Variants in BBS9 observed in about 807,000 individuals in gnomAD.
The protein encoded by BBS9 is Bardet-Biedl syndrome 9, also known as protein PTHB1.
A neutral mutation model predicts 117.7 loss-of-function variants in BBS9; 89 were observed. That is an observed-to-expected ratio of 0.76 (90% CI 0.64 to 0.90). BBS9 has a LOEUF of 0.90. Ranked by LOEUF, BBS9 falls within the 40% of genes least tolerant of loss-of-function variation. The pLI is 0.00. For missense variants in BBS9, 982 were observed against 1,042.2 expected, an observed-to-expected ratio of 0.94 and a Z score of 0.80; for synonymous variants, 379 against 370.9, an observed-to-expected ratio of 1.02 and a Z score of -0.25.
intron 9 of BBS9, among the ~76,000 whole-genome samples, chr7:33,290,059 A>T (rs539213344): frequency 3.3e-3 from 439 of 133,128 alleles, no homozygotes; most frequent in African/African-American, 9.2e-3. Context: ...AAAAAAAAAA[A>T]TTTTTTTAGA....
intron 19 of BBS9, among the ~76,000 whole-genome samples, chr7:33,414,732 A>G (rs1259858387): frequency 6.6e-6 from 1 of 152,158 alleles, no homozygotes; most frequent in Non-Finnish European, 1.5e-5. Context: ...ACTATGAACA[A>G]TGCTGCAGTG....
intron 5 of BBS9, among the ~76,000 whole-genome samples, chr7:33,209,962 G>A (rs944806392): frequency 3.3e-5 from 5 of 151,686 alleles, no homozygotes; most frequent in South Asian, 2.1e-4. Flanking sequence ...TGCTTTTCTC[G>A]CACTTTAAGA....
At chr7:33,466,063 G>C (rs527716537) in intron 19 of BBS9, among the ~76,000 whole-genome samples, 1 of 151,604 alleles carries the variant, frequency 6.6e-6, no homozygotes, top group African/African-American at 2.4e-5. Flanking sequence ...TTTTGAGAGA[G>C]AGATATATAT....
At chr7:33,314,451 T>C (rs1235504070) in intron 9 of BBS9, 1 of 225,654 alleles carries the variant, frequency 4.4e-6, no homozygotes, top group Admixed American at 5.8e-5. Context: ...ACCATATTAT[T>C]TGACAATTAG....
intron 21 of BBS9, among the ~76,000 whole-genome samples, chr7:33,568,619 CCATAGTGGTTTTGCCAATGT>C (rs1295016901): frequency 8.5e-5 from 13 of 152,122 alleles, no homozygotes; most frequent in African/African-American, 3.1e-4. Context: ...CTTACTGTTT[CCATAGTGGTTTTGCCAATGT>C]CATCATGTAT....
intron 21 of BBS9, among the ~76,000 whole-genome samples, chr7:33,619,302 G>T (rs1241814396): frequency 6.6e-6 from 1 of 152,014 alleles, no homozygotes; most frequent in Non-Finnish European, 1.5e-5. Context: ...TCATCAAGAA[G>T]GTATAACGAT....
chr7:33,215,138 G>A (rs1243442115), intron 5 of BBS9, among the ~76,000 whole-genome samples: 1 of 152,198 alleles, frequency 6.6e-6, no homozygotes, highest in East Asian at 1.9e-4. Flanking sequence ...CTTGCAGTGA[G>A]CTGAGTGCAG....
intron 21 of BBS9, among the ~76,000 whole-genome samples, chr7:33,629,441 A>G (rs1865787642): frequency 6.6e-6 from 1 of 152,172 alleles, no homozygotes; most frequent in South Asian, 2.1e-4. Context: ...TCAGGGATAG[A>G]CTTGGGTGGC....
chr7:33,423,167 G>A (rs532267674), intron 19 of BBS9, among the ~76,000 whole-genome samples: 2 of 152,222 alleles, frequency 1.3e-5, no homozygotes, highest in Admixed American at 6.5e-5. Context: ...ACCTGCTGAG[G>A]GGCTGAGACA....
At chr7:33,596,820 C>T (rs1862893036) in intron 21 of BBS9, among the ~76,000 whole-genome samples, 1 of 152,032 alleles carries the variant, frequency 6.6e-6, no homozygotes, top group African/African-American at 2.4e-5. Context: ...AATCCTGTCT[C>T]CCTCTCTCCT....
In BBS9 at chr7:33,216,369, A is replaced by C. The variant is rs116837488; in HGVS notation, c.442+38778A>C. Reference sequence around the variant, plus strand: ...CCTAGGCCTCAGTCCTATCCTTCAAAAAAACAAGCCGAACTTTGTTTTCTG... The same window carrying C: ...CCTAGGCCTCAGTCCTATCCTTCAACAAAACAAGCCGAACTTTGTTTTCTG... On this transcript the variant is annotated intron_variant, in intron 5 of 22. Transcript: ENST00000242067. Among the ~76,000 whole-genome samples the C allele has an allele frequency of 6.9e-3, 1,052 of 152,312 alleles. 13 individuals are homozygous for C. The highest frequency in any genetic ancestry group is 0.024 in the African/African-American group (1,000 of 41,564).
At chr7:33,302,863 T>G (rs1806784732) in intron 9 of BBS9, among the ~76,000 whole-genome samples, 1 of 152,192 alleles carries the variant, frequency 6.6e-6, no homozygotes, top group African/African-American at 2.4e-5. Flanking sequence ...TCTAGATTGC[T>G]TTGGGTAGTA....
At chr7:33,403,626 C>T (rs373232111) in intron 19 of BBS9, among the ~76,000 whole-genome samples, 6 of 151,646 alleles carry the variant, frequency 4.0e-5, no homozygotes, top group Admixed American at 6.6e-5. Flanking sequence ...TCATCCATGT[C>T]CCTACAAAGG....
At chr7:33,483,922 A>AG (rs1257209857) in intron 19 of BBS9, among the ~76,000 whole-genome samples, 9 of 152,180 alleles carry the variant, frequency 5.9e-5, no homozygotes, top group Non-Finnish European at 1.3e-4. Flanking sequence ...TACAGATGTG[A>AG]GCCACTGCGC....
intron 9 of BBS9, among the ~76,000 whole-genome samples, chr7:33,277,799 C>T (rs1295121044): frequency 2.0e-5 from 3 of 152,108 alleles, no homozygotes; most frequent in Admixed American, 2.0e-4. Context: ...ATGCAAAAAA[C>T]CTGTAAAGAT....
intron 19 of BBS9, among the ~76,000 whole-genome samples, chr7:33,485,341 G>A (rs7799279): frequency 0.014 from 1,947 of 135,052 alleles, 42 homozygotes; most frequent in African/African-American, 0.051. Flanking sequence ...ATGGAGTCTC[G>A]CTCTGTTGCC....
At chr7:33,357,741 G>A (rs764021270) in intron 15 of BBS9, 114 bp from the exon 16 acceptor site, 63 of 1,060,156 alleles carry the variant, frequency 5.9e-5, no homozygotes, top group Non-Finnish European at 6.7e-5. Flanking sequence ...AAGCAAAATA[G>A]GCAGGCAACA....
At chr7:33,554,755 T>C (rs375939486) in intron 21 of BBS9, among the ~76,000 whole-genome samples, 34 of 152,206 alleles carry the variant, frequency 2.2e-4, no homozygotes, top group African/African-American at 7.5e-4. Flanking sequence ...AGTCTATATA[T>C]GGTATTTGAA....
chr7:33,177,551 A>G lies in BBS9; in HGVS notation c.402A>G (p.Thr134=), dbSNP rs2128163033. The part of the protein sequence containing the change: ...KLMYEHNLQR[T]ACNMTYGSFG... ...TGTATGAACATAATCTTCAGAGAAC[A>G]GCCTGCAATATGACCTATGGATCAT... The change falls in exon 5 of 23, where the codon ACA becomes ACG. Residue 134 remains threonine (T), a synonymous_variant. Transcript: ENST00000242067. 1.2e-6 allele frequency: 2 copies of G among 1,613,632 alleles called. No homozygotes were observed. The highest frequency in any genetic ancestry group is 1.7e-5 in the Admixed American group (1 of 60,018).
Sources: allele counts gnomAD v4.1 joint callset (sites outside exome capture counted in the v4.1 genomes callset), GRCh38; gene constraint gnomAD v4.1.1; transcripts MANE v1.5; gene names NCBI Gene and HGNC (gene_info 2026-07-23, HGNC 2026-07-21).